C10orf105: variants seen among roughly 807,000 people sequenced by gnomAD.
C10orf105 encodes the protein uncharacterized protein C10orf105.
Under a neutral mutation model 0.6 loss-of-function variants are expected in C10orf105, and 2 were observed. The observed-to-expected ratio is 3.18, with a 90% confidence interval of 1.30 to 10.01. The LOEUF is 10.01. C10orf105 is among the 30% of genes most tolerant of loss of function. The pLI, the probability that C10orf105 is intolerant of heterozygous loss-of-function variation, is 0.04. For missense variants in C10orf105, 209 were observed against 191.4 expected (o/e 1.09, Z -0.54); for synonymous variants, 95 against 82.4 (o/e 1.15, Z -0.83).
upstream of C10orf105, among the ~76,000 whole-genome samples, chr10:71,722,225 G>A (rs958168969): frequency 6.6e-6 from 1 of 152,236 alleles, no homozygotes; most frequent in Non-Finnish European, 1.5e-5. Flanking sequence ...AGGATTGCTT[G>A]AGCTCAGGAG....
chr10:71,732,797 G>A (rs1839434670), intron 1 of C10orf105: 3 of 819,440 alleles, frequency 3.7e-6, no homozygotes, highest in South Asian at 4.4e-5. Flanking sequence ...TCATCGAAGT[G>A]TGTGTGGGGT....
intron 1 of C10orf105, among the ~76,000 whole-genome samples, chr10:71,735,334 G>A (rs1326695899): frequency 6.6e-6 from 1 of 152,180 alleles, no homozygotes; most frequent in East Asian, 1.9e-4. Context: ...TGGGCCCCTG[G>A]GGGAGGGGGG....
In C10orf105 at chr10:71,714,605, C is replaced by T. The variant is rs980881763; in HGVS notation, c.*1331G>A. ...TTTCAGTTTTCCTGGAGTTTTGGAT[C>T]AAGATGAGGCTAGAAAGATTAATTG... is the stretch of plus-strand genomic sequence containing the variant. On this transcript the variant is annotated 3_prime_UTR_variant, in exon 2 of 2. Transcript: ENST00000441508. 2 of 152,226 alleles carry T rather than the reference C, an allele frequency of 1.3e-5. No homozygotes were observed. The highest frequency in any genetic ancestry group is 1.3e-4 in the Admixed American group (2 of 15,282). The allele number at this position is 152,226 out of a possible 1,614,324, so 9.4% of individuals were successfully genotyped here. A position where few individuals can be genotyped will look rare whatever the true frequency, so the allele number is the denominator to read the frequency against.
intron 1 of C10orf105, chr10:71,725,534 C>A: frequency 6.2e-7 from 1 of 1,609,378 alleles, no homozygotes; most frequent in Non-Finnish European, 8.5e-7. Context: ...AGGCTAGGGG[C>A]GGGCTGGGGT....
upstream of C10orf105, among the ~76,000 whole-genome samples, chr10:71,721,368 G>A (rs1866547347): frequency 1.3e-5 from 2 of 152,134 alleles, no homozygotes; most frequent in South Asian, 4.1e-4. Context: ...GGAGAAGGTG[G>A]CATCACTCAT....
At position 71,713,401 on chromosome 10, in the gene C10orf105, CTT is replaced by C; in HGVS notation, c.*2533_*2534del. The C allele has an allele frequency of 1.5e-6, 1 of 667,298 alleles. No individual in the cohort carries two copies. Among genetic ancestry groups the C allele is most frequent in the South Asian group, 1.7e-5 (1 of 58,652 alleles). The allele number at this position is 667,298 out of a possible 1,614,324, so 41.3% of individuals were successfully genotyped here. ...AGGGAGGCCCGGAGTGAATGAGTCT[CTT>C]TACCAACTATGGGGTTTCCGACTCG... On this transcript the variant is annotated 3_prime_UTR_variant, in exon 2 of 2. Transcript: ENST00000441508.
chr10:71,724,093 C>A, upstream of C10orf105: 1 of 1,558,658 alleles, frequency 6.4e-7, no homozygotes, highest in South Asian at 1.2e-5. Flanking sequence ...TGTGTGGTAC[C>A]GCATCCTCCA....
intron 1 of C10orf105, chr10:71,732,726 GGCTGGTATCCTTCT>G: frequency 1.3e-5 from 15 of 1,186,366 alleles, no homozygotes; most frequent in Admixed American, 8.3e-5. Context: ...TACCTATGCA[GGCTGGTATCCTTCT>G]GTTTTTCCTT....
intron 1 of C10orf105, among the ~76,000 whole-genome samples, chr10:71,727,859 G>A (rs544858065): frequency 4.2e-4 from 64 of 152,304 alleles, no homozygotes; most frequent in African/African-American, 1.4e-3. Flanking sequence ...GCAAGAACCT[G>A]ACAGACCTCT....
chr10:71,732,746 T>TAATGATACGGCGA, intron 1 of C10orf105: 4 of 1,126,710 alleles, frequency 3.6e-6, no homozygotes, highest in Admixed American at 4.5e-5. Flanking sequence ...CTTCTGTTTT[T>TAATGATACGGCGA]CCTTCTGTTT....
intron 1 of C10orf105, chr10:71,734,132 A>C: frequency 4.7e-6 from 4 of 856,928 alleles, no homozygotes; most frequent in Non-Finnish European, 7.7e-6. Flanking sequence ...GTCCTGGGGA[A>C]GTTATGCCGG....
At chr10:71,716,993 C>A (rs1866283323) in intron 1 of C10orf105, 1 of 152,246 alleles carries the variant, frequency 6.6e-6, no homozygotes, top group Non-Finnish European at 1.5e-5. Context: ...GTAGACAGGG[C>A]ACTGACCTCC....
In C10orf105 at chr10:71,715,884, G is replaced by A. The variant is rs1866194973; in HGVS notation, c.*52C>T. On this transcript the variant is annotated 3_prime_UTR_variant, in exon 2 of 2. Coordinates refer to ENST00000441508, the MANE Select transcript of C10orf105 (RefSeq NM_001164375.3). ...TGCAGCACCGGTCTCTGAAGCAGGA[G>A]GATCTACAGGTAGACCTAGGGGGAT... 2 of 1,419,516 alleles carry A rather than the reference G, an allele frequency of 1.4e-6. No individual in the cohort carries two copies. Among genetic ancestry groups the A allele is most frequent in the South Asian group, 1.5e-5 (1 of 65,430 alleles). 87.9% of individuals were successfully genotyped at this position (1,419,516 alleles called of 1,614,324 possible).
chr10:71,732,446 C>T lies in C10orf105; in HGVS notation c.-6+5282G>A, dbSNP rs1423182334. 2.0e-6 allele frequency: 3 copies of T among 1,536,426 alleles called. No individual in the cohort carries two copies. The East Asian group carries it at 7.4e-5, about 38-fold the overall frequency. ...ACATTGGTTGAGCTCCTTCTGTGTGCACAGCACTCTCCTCTTTGTCATAAA... is the reference window on the plus strand; with the variant it reads ...ACATTGGTTGAGCTCCTTCTGTGTGTACAGCACTCTCCTCTTTGTCATAAA... On this transcript the variant is annotated intron_variant, in intron 1 of 1. Transcript: ENST00000398786.
chr10:71,735,574 G>A (rs1000651671), intron 1 of C10orf105, among the ~76,000 whole-genome samples: 10 of 152,304 alleles, frequency 6.6e-5, no homozygotes, highest in African/African-American at 2.4e-4. Flanking sequence ...ACCACCTGGG[G>A]CATCAGGCTC....
At chr10:71,729,313 T>G (rs1866956894) in intron 1 of C10orf105, among the ~76,000 whole-genome samples, 1 of 152,174 alleles carries the variant, frequency 6.6e-6, no homozygotes, top group Non-Finnish European at 1.5e-5. Flanking sequence ...GGTGTGAAAG[T>G]AATGTGTAAG....
upstream of C10orf105, among the ~76,000 whole-genome samples, chr10:71,720,330 G>A (rs1200605809): frequency 6.6e-6 from 1 of 152,050 alleles, no homozygotes; most frequent in Non-Finnish European, 1.5e-5. Flanking sequence ...GGATCCCAGG[G>A]CAGAAAGCAT....
chr10:71,724,286 G>A (rs1220803703), upstream of C10orf105, among the ~76,000 whole-genome samples: 2 of 152,184 alleles, frequency 1.3e-5, no homozygotes, highest in African/African-American at 4.8e-5. Flanking sequence ...GGGTGAGGGG[G>A]AAGCTTTTTT....
In C10orf105 at chr10:71,712,429, G is replaced by A. The variant is rs1336020598; in HGVS notation, c.*3507C>T. 2 of 502,982 alleles carry A rather than the reference G, an allele frequency of 4.0e-6. No individual in the cohort carries two copies. The highest frequency in any genetic ancestry group is 6.3e-5 in the East Asian group (2 of 31,730). The allele number at this position is 502,982 out of a possible 1,614,324, so 31.2% of individuals were successfully genotyped here. On this transcript the variant is annotated 3_prime_UTR_variant, in exon 2 of 2. Transcript: ENST00000441508. ...TGACAGTAAAGTGTCTGCTTCATGG[G>A]GTTGCTGTGAGGACTGAATGGGTTA...
Sources: allele counts gnomAD v4.1 joint callset (sites outside exome capture counted in the v4.1 genomes callset), GRCh38; gene constraint gnomAD v4.1.1; transcripts MANE v1.5; gene names NCBI Gene and HGNC (gene_info 2026-07-23, HGNC 2026-07-21).